Variants in AGBL1 observed in about 807,000 individuals in gnomAD.
The protein encoded by AGBL1 is cytosolic carboxypeptidase 4.
AGBL1 carries 130 observed loss-of-function variants against 118.9 expected under a neutral mutation model. The observed-to-expected ratio is 1.09, with a 90% CI of 0.95 to 1.26. AGBL1 has a LOEUF of 1.26. AGBL1 is among the 50% of genes most tolerant of loss of function. The pLI is 0.00. For missense variants in AGBL1, 1,584 were observed against 1,298.1 expected, an observed-to-expected ratio of 1.22 and a Z score of -3.38; for synonymous variants, 555 against 478.9, an observed-to-expected ratio of 1.16 and a Z score of -2.08.
intron 1 of AGBL1, among the ~76,000 whole-genome samples, chr15:86,130,856 C>T (rs912334187): frequency 6.6e-6 from 1 of 152,148 alleles, no homozygotes; most frequent in African/African-American, 2.4e-5. Context: ...GGAAATAAGT[C>T]ATCAGGGCAG....
At chr15:86,435,539 A>G (rs185032026) in intron 18 of AGBL1, among the ~76,000 whole-genome samples, 1 of 152,360 alleles carries the variant, frequency 6.6e-6, no homozygotes, top group Admixed American at 6.5e-5. Flanking sequence ...CATGTGAATC[A>G]GAAGTTCAAG....
chr15:86,359,319 A>G (rs1482003485), intron 17 of AGBL1, among the ~76,000 whole-genome samples: 2 of 150,070 alleles, frequency 1.3e-5, no homozygotes, highest in Non-Finnish European at 3.0e-5. Flanking sequence ...TTTGAAATTC[A>G]GTTGACTGTA....
chr15:86,629,972 A>G (rs970951959), intron 21 of AGBL1, among the ~76,000 whole-genome samples: 10 of 152,264 alleles, frequency 6.6e-5, no homozygotes, highest in African/African-American at 2.4e-4. Flanking sequence ...AATAGAGGAT[A>G]TGGCAGCCAA....
intron 1 of AGBL1, among the ~76,000 whole-genome samples, chr15:86,082,883 C>T (rs1045673759): frequency 1.3e-5 from 2 of 152,190 alleles, no homozygotes; most frequent in African/African-American, 4.8e-5. Flanking sequence ...GTGCGAGAGG[C>T]AGAAAGGACT....
chr15:86,375,390 T>C (rs1046126365), intron 17 of AGBL1, among the ~76,000 whole-genome samples: 1 of 151,994 alleles, frequency 6.6e-6, no homozygotes, highest in Non-Finnish European at 1.5e-5. Flanking sequence ...CTCACTATCA[T>C]GAGAACAGCA....
In AGBL1 at chr15:87,022,796, C is replaced by T. The variant is rs2081679335; in HGVS notation, c.3324-6029C>T. Among the ~76,000 whole-genome samples the T allele has an allele frequency of 3.3e-5, 5 of 151,994 alleles. No homozygotes were observed. The South Asian group carries it at 8.3e-4, about 25-fold the overall frequency. On this transcript the variant is annotated intron_variant, in intron 24 of 24. Coordinates refer to the AGBL1 transcript ENST00000441037. ...CCGTACAAGCTAGAAGGGATTGGGG[C>T]CCTATTTTCAGCTTCCTCAAACAAA...
chr15:86,904,331 GTCT>G (rs1170434732), intron 22 of AGBL1, among the ~76,000 whole-genome samples: 6 of 151,498 alleles, frequency 4.0e-5, no homozygotes, highest in African/African-American at 1.2e-4. Context: ...ACGTTTCAGT[GTCT>G]TCTTATTTTT....
intron 17 of AGBL1, among the ~76,000 whole-genome samples, chr15:86,297,422 G>C (rs1014896272): frequency 1.3e-5 from 2 of 152,156 alleles, no homozygotes; most frequent in African/African-American, 4.8e-5. Context: ...GAAGGGCCAT[G>C]CACTCTGCTT....
At chr15:86,520,472 C>T (rs1029186867) in intron 18 of AGBL1, among the ~76,000 whole-genome samples, 2 of 152,168 alleles carry the variant, frequency 1.3e-5, no homozygotes, top group East Asian at 1.9e-4. Context: ...CAGCACAAAA[C>T]TTTATTTTTT....
chr15:86,697,851 T>C (rs780796086), intron 22 of AGBL1, among the ~76,000 whole-genome samples: 5 of 151,958 alleles, frequency 3.3e-5, no homozygotes, highest in Non-Finnish European at 7.4e-5. Context: ...GTAATTGTTA[T>C]TTCTCTTCTG....
intron 15 of AGBL1, among the ~76,000 whole-genome samples, chr15:86,276,953 G>A (rs576199912): frequency 6.6e-6 from 1 of 152,100 alleles, no homozygotes; most frequent in Non-Finnish European, 1.5e-5. Context: ...AAGTTTAAAG[G>A]CCTCTGCAGA....
chr15:86,620,858 C>T (rs902885856), intron 21 of AGBL1, among the ~76,000 whole-genome samples: 2 of 151,940 alleles, frequency 1.3e-5, no homozygotes, highest in African/African-American at 4.8e-5. Context: ...TCCGACTTGC[C>T]GCCTGCATGT....
chr15:86,767,685 G>T (rs1291117143), intron 22 of AGBL1, among the ~76,000 whole-genome samples: 1 of 151,912 alleles, frequency 6.6e-6, no homozygotes, highest in African/African-American at 2.4e-5. Context: ...AGAAAACTGA[G>T]ATTTGCTTCT....
intron 22 of AGBL1, among the ~76,000 whole-genome samples, chr15:86,759,642 C>G (rs1296222641): frequency 6.6e-6 from 1 of 152,026 alleles, no homozygotes; most frequent in Non-Finnish European, 1.5e-5. Context: ...GTTAGAAAGT[C>G]ATGATTTGAG....
At chr15:86,719,497 T>C (rs2086685571) in intron 22 of AGBL1, among the ~76,000 whole-genome samples, 1 of 152,182 alleles carries the variant, frequency 6.6e-6, no homozygotes, top group Admixed American at 6.5e-5. Flanking sequence ...TTTGCATTCC[T>C]TTCTATGCAT....
At chr15:86,294,565 C>T (rs377173437) in intron 16 of AGBL1, among the ~76,000 whole-genome samples, 2 of 151,738 alleles carry the variant, frequency 1.3e-5, no homozygotes, top group Non-Finnish European at 2.9e-5. Context: ...GGATTAACCA[C>T]GTCTATTATT....
chr15:86,158,902 A>G (rs753885400), intron 4 of AGBL1, 31 bp from the exon 5 acceptor site: 1 of 1,600,050 alleles, frequency 6.2e-7, no homozygotes, highest in East Asian at 2.2e-5. Context: ...TCCACTTGTG[A>G]CCATAACTAC....
At chr15:86,724,509 C>G (rs983595754) in intron 22 of AGBL1, among the ~76,000 whole-genome samples, 3 of 151,874 alleles carry the variant, frequency 2.0e-5, no homozygotes, top group Admixed American at 2.0e-4. Context: ...AATCTTTTGG[C>G]CCAAAAATCA....
At chr15:86,675,383 A>C (rs556191672) in intron 22 of AGBL1, among the ~76,000 whole-genome samples, 7 of 152,228 alleles carry the variant, frequency 4.6e-5, no homozygotes, top group African/African-American at 1.4e-4. Context: ...TGGCCAGTGA[A>C]ACCTAGAAAG....
Sources: allele counts gnomAD v4.1 joint callset (sites outside exome capture counted in the v4.1 genomes callset), GRCh38; gene constraint gnomAD v4.1.1; transcripts MANE v1.5; gene names NCBI Gene and HGNC (gene_info 2026-07-23, HGNC 2026-07-21).